Variants in MGAT5 observed in about 807,000 individuals in gnomAD.
MGAT5 encodes alpha-1,6-mannosylglycoprotein 6-beta-N-acetylglucosaminyltransferase A.
MGAT5 carries 30 observed loss-of-function variants against 94.3 expected under a neutral mutation model. The observed-to-expected ratio is 0.32, with a 90% confidence interval of 0.24 to 0.43. MGAT5 has a LOEUF of 0.43. MGAT5 is among the 20% of genes least tolerant of loss of function. MGAT5 has a pLI of 1.00. For synonymous variants in MGAT5, 310 were observed against 322.9 expected (o/e 0.96, Z 0.43); for missense variants, 691 against 905.5 (o/e 0.76, Z 3.04).
intron 8 of MGAT5, among the ~76,000 whole-genome samples, chr2:134,347,153 C>G (rs1286419986): frequency 1.3e-5 from 2 of 152,122 alleles, no homozygotes; most frequent in African/African-American, 4.8e-5. Context: ...CACACAGATG[C>G]AGGATGTGAT....
At chr2:134,130,733 G>GCC (rs1686116396) in intron 1 of MGAT5, among the ~76,000 whole-genome samples, 1 of 143,590 alleles carries the variant, frequency 7.0e-6, no homozygotes, top group South Asian at 2.2e-4. Flanking sequence ...GGGACTTGGA[G>GCC]AACTTTTGTG....
intron 9 of MGAT5, among the ~76,000 whole-genome samples, chr2:134,353,952 T>G (rs2106070512): frequency 6.6e-6 from 1 of 152,320 alleles, no homozygotes; most frequent in African/African-American, 2.4e-5. Context: ...TGAACTTGGA[T>G]GCATGCTTGC....
At chr2:134,430,114 C>T (rs185370155) in intron 14 of MGAT5, among the ~76,000 whole-genome samples, 21 of 152,336 alleles carry the variant, frequency 1.4e-4, no homozygotes, top group Admixed American at 5.9e-4. Flanking sequence ...GGGCCTCCTT[C>T]AATTATGGGT....
At chr2:134,332,769 G>A (rs573533580) in intron 4 of MGAT5, among the ~76,000 whole-genome samples, 1 of 152,262 alleles carries the variant, frequency 6.6e-6, no homozygotes, top group East Asian at 1.9e-4. Context: ...CAAAAAGTGG[G>A]CGAAGGACAT....
At chr2:134,313,313 A>C (rs1380382401) in intron 2 of MGAT5, among the ~76,000 whole-genome samples, 6 of 152,160 alleles carry the variant, frequency 3.9e-5, no homozygotes. Flanking sequence ...CCTGAATCTT[A>C]AGCATTTTTG....
chr2:134,127,503 C>CT (rs1275711564), intron 1 of MGAT5, among the ~76,000 whole-genome samples: 1 of 126,574 alleles, frequency 7.9e-6, no homozygotes, highest in Non-Finnish European at 1.7e-5. Flanking sequence ...TTTCCCCCCC[C>CT]CCCAGGCTTG....
chr2:134,407,853 T>C (rs1006816877), intron 11 of MGAT5, among the ~76,000 whole-genome samples: 1 of 128,918 alleles, frequency 7.8e-6, no homozygotes, highest in African/African-American at 3.2e-5. Flanking sequence ...ACTTGTGAAA[T>C]CAATGTAGTG....
chr2:134,212,861 G>A (rs1049951622), intron 1 of MGAT5, among the ~76,000 whole-genome samples: 2 of 152,198 alleles, frequency 1.3e-5, no homozygotes, highest in Admixed American at 1.3e-4. Context: ...CAGAGAGAGG[G>A]AAGATATCAG....
intron 1 of MGAT5, among the ~76,000 whole-genome samples, chr2:134,233,624 G>A (rs1681482261): frequency 6.6e-6 from 1 of 152,160 alleles, no homozygotes; most frequent in Non-Finnish European, 1.5e-5. Flanking sequence ...CAGAAGGCTA[G>A]GTCCTTCCAC....
At chr2:134,336,177 T>C (rs780916091) in intron 4 of MGAT5, 40 bp from the exon 5 acceptor site, 31 of 1,517,130 alleles carry the variant, frequency 2.0e-5, no homozygotes, top group African/African-American at 2.8e-5. Context: ...TAATTCATTA[T>C]AGATGAAGCT....
At chr2:134,270,669 G>A in intron 2 of MGAT5, 119 bp downstream of exon 2, 1 of 994,828 alleles carries the variant, frequency 1.0e-6, no homozygotes, top group Non-Finnish European at 1.4e-6. Context: ...TATAAACTTG[G>A]CATGGCCATT....
At chr2:134,150,424 G>T (rs967526460) in intron 1 of MGAT5, among the ~76,000 whole-genome samples, 7 of 152,130 alleles carry the variant, frequency 4.6e-5, no homozygotes, top group Admixed American at 2.0e-4. Flanking sequence ...ACAGCCCATA[G>T]GTGCCCCTGG....
intron 1 of MGAT5, among the ~76,000 whole-genome samples, chr2:134,135,569 G>T (rs1686365072): frequency 1.3e-5 from 2 of 151,492 alleles, no homozygotes; most frequent in South Asian, 4.2e-4. Context: ...GTACGTGCCT[G>T]TAGTCCCAGC....
chr2:134,179,329 G>T (rs568929371), intron 1 of MGAT5, among the ~76,000 whole-genome samples: 1 of 152,172 alleles, frequency 6.6e-6, no homozygotes, highest in Admixed American at 6.5e-5. Flanking sequence ...TCATGCAGGC[G>T]TAAGTTGTAG....
chr2:134,442,550 T>G (rs1685543916), intron 15 of MGAT5, among the ~76,000 whole-genome samples: 1 of 152,054 alleles, frequency 6.6e-6, no homozygotes, highest in Admixed American at 6.5e-5. Context: ...ATGAGGCGAG[T>G]GTGGCACTGG....
chr2:134,120,340 C>T, intron 1 of MGAT5: 1 of 388,650 alleles, frequency 2.6e-6, no homozygotes, highest in Non-Finnish European at 4.6e-6. Flanking sequence ...GCTCGTCATC[C>T]CCGCGGGGTG....
intron 1 of MGAT5, among the ~76,000 whole-genome samples, chr2:134,138,693 A>T (rs149892813): frequency 6.6e-6 from 1 of 152,144 alleles, no homozygotes. Flanking sequence ...CATGCTTGGG[A>T]TAACCATGTA....
At chr2:134,235,147 A>G (rs1052475716) in intron 1 of MGAT5, among the ~76,000 whole-genome samples, 3 of 152,062 alleles carry the variant, frequency 2.0e-5, no homozygotes, top group Admixed American at 1.3e-4. Flanking sequence ...TGGCTGCCCT[A>G]TCAGAGGGGT....
chr2:134,414,233 G>GGTCA (rs1683837951), intron 12 of MGAT5, among the ~76,000 whole-genome samples: 1 of 151,534 alleles, frequency 6.6e-6, no homozygotes, highest in South Asian at 2.1e-4. Context: ...TGTATTAAGA[G>GGTCA]GTCAGTTTGT....
Sources: allele counts gnomAD v4.1 joint callset (sites outside exome capture counted in the v4.1 genomes callset), GRCh38; gene constraint gnomAD v4.1.1; transcripts MANE v1.5; gene names NCBI Gene and HGNC (gene_info 2026-07-23, HGNC 2026-07-21).